Variants in KMT5B observed in about 807,000 individuals in gnomAD.
KMT5B encodes the protein histone-lysine N-methyltransferase KMT5B.
Under a neutral mutation model 83.2 loss-of-function variants are expected in KMT5B, and 10 were observed. That is an observed-to-expected ratio of 0.12 (90% CI 0.07 to 0.20). The LOEUF is 0.20. KMT5B is among the 10% of genes least tolerant of loss of function. The pLI, the probability that KMT5B is intolerant of heterozygous loss-of-function variation, is 1.00. For missense variants in KMT5B, 753 were observed against 1,067.2 expected, an observed-to-expected ratio of 0.71 and a Z score of 4.10; for synonymous variants, 349 against 388.8, an observed-to-expected ratio of 0.90 and a Z score of 1.20.
intron 1 of KMT5B, among the ~76,000 whole-genome samples, chr11:68,194,178 T>C (rs1027487421): frequency 1.3e-4 from 20 of 149,652 alleles, no homozygotes; most frequent in Admixed American, 2.7e-4. Flanking sequence ...CGGGAGAGCA[T>C]CAAGTACCAA....
rs141544127 is a variant in KMT5B at position 68,160,538 on chromosome 11, CAAGT to C, written c.1175-1371_1175-1368del. On this transcript the variant is annotated intron_variant, in intron 10 of 10. Transcript: ENST00000304363. ...GGGTAAGCTCAGCACACTGCCCAACCAAGTGAGGACCAGGATCCTGCAGAGAAAT... is the reference window on the plus strand; with the variant it reads ...GGGTAAGCTCAGCACACTGCCCAACCGAGGACCAGGATCCTGCAGAGAAAT... Among the ~76,000 whole-genome samples the C allele has an allele frequency of 9.6e-3, 1,463 of 152,250 alleles. 18 individuals are homozygous for C. Among genetic ancestry groups the C allele is most frequent in the African/African-American group, 0.033 (1,387 of 41,534 alleles).
chr11:68,166,511 GA>G, intron 10 of KMT5B: 1 of 1,002,756 alleles, frequency 1.0e-6, no homozygotes, highest in Non-Finnish European at 1.2e-6. Flanking sequence ...AGTTCGTTTT[GA>G]AAAAGGTCAG....
intron 1 of KMT5B, among the ~76,000 whole-genome samples, chr11:68,205,314 C>A (rs1859958649): frequency 6.6e-6 from 1 of 151,838 alleles, no homozygotes; most frequent in Non-Finnish European, 1.5e-5. Flanking sequence ...TGAGACCTCA[C>A]CTTTAAAAAC....
At chr11:68,177,631 C>T (rs998173262) in intron 4 of KMT5B, among the ~76,000 whole-genome samples, 9 of 152,000 alleles carry the variant, frequency 5.9e-5, no homozygotes, top group Admixed American at 5.9e-4. Flanking sequence ...CAACTATTAG[C>T]TGAACCATCT....
chr11:68,206,501 C>A (rs536326837), intron 1 of KMT5B, among the ~76,000 whole-genome samples: 22 of 152,282 alleles, frequency 1.4e-4, no homozygotes, highest in African/African-American at 4.6e-4. Flanking sequence ...AGAGGCAGCC[C>A]GCACAGGGAT....
chr11:68,196,135 T>G (rs1858678346), intron 1 of KMT5B, among the ~76,000 whole-genome samples: 1 of 152,112 alleles, frequency 6.6e-6, no homozygotes, highest in Non-Finnish European at 1.5e-5. Context: ...CCAGCCTGAG[T>G]GACAGAGCAA....
intron 10 of KMT5B, chr11:68,166,032 G>A (rs1243496509): frequency 8.1e-6 from 13 of 1,598,566 alleles, no homozygotes; most frequent in South Asian, 3.4e-5. Context: ...TATCTCAGAG[G>A]GCTCTAAGGT....
intron 1 of KMT5B, among the ~76,000 whole-genome samples, chr11:68,197,399 C>T (rs927522110): frequency 2.0e-4 from 30 of 152,074 alleles, no homozygotes; most frequent in African/African-American, 6.5e-4. Flanking sequence ...TAAGAGCAAT[C>T]GCTCTAATTT....
Position 68,198,695 on chromosome 11 carries a change from C to T in KMT5B, c.-76-8543G>A, listed in dbSNP as rs75565539. 6.0e-3 allele frequency among the ~76,000 whole-genome samples: 915 copies of T among 152,296 alleles called. 9 individuals are homozygous for T. Among genetic ancestry groups the T allele is most frequent in the African/African-American group, 0.021 (876 of 41,568 alleles). ...AGTAAAAATTGCCTCAATTTTGTCC[C>T]AAATTGTTAGGAAAAACATTTCAAG... On this transcript the variant is annotated intron_variant, in intron 1 of 10. Coordinates refer to ENST00000304363, the MANE Select transcript of KMT5B (RefSeq NM_017635.5).
In KMT5B at chr11:68,158,426, G is replaced by A. The variant is rs138680984; in HGVS notation, c.1920C>T (p.Asp640=). The A allele has an allele frequency of 1.0e-4, 163 of 1,613,940 alleles. No homozygotes were observed. Among genetic ancestry groups the A allele is most frequent in the Non-Finnish European group, 3.1e-5 (36 of 1,179,996 alleles). Residue 640 remains aspartate, a synonymous_variant, in exon 11 of 11, where the codon GAC becomes GAT. Transcript: ENST00000304363. ...GGGGACCCATCAAATCTGGTACCGC[G>A]TCGTCTTTTCCAGGAGAATCGTGCA... The part of the protein sequence containing the change: ...TPVHDSPGKD[D]AVPDLMGPHS...
At chr11:68,206,797 A>G (rs866047731) in intron 1 of KMT5B, among the ~76,000 whole-genome samples, 12 of 152,140 alleles carry the variant, frequency 7.9e-5, no homozygotes, top group African/African-American at 2.7e-4. Flanking sequence ...TAACTCACAC[A>G]TGAAAAAAAA....
At chr11:68,189,829 A>C in intron 2 of KMT5B, 88 bp downstream of exon 2, 1 of 1,323,074 alleles carries the variant, frequency 7.6e-7, no homozygotes, top group East Asian at 2.5e-5. Flanking sequence ...TATTTAAGAC[A>C]AAAGAAAACA....
chr11:68,162,178 T>C (rs1356909212), intron 10 of KMT5B, among the ~76,000 whole-genome samples: 1 of 152,090 alleles, frequency 6.6e-6, no homozygotes, highest in Admixed American at 6.5e-5. Context: ...ACTATGGCAG[T>C]TTTGTTTTTC....
At chr11:68,208,271 AC>A (rs1345327057) in intron 1 of KMT5B, among the ~76,000 whole-genome samples, 3 of 150,952 alleles carry the variant, frequency 2.0e-5, no homozygotes, top group African/African-American at 4.9e-5. Flanking sequence ...ACATGGTGAA[AC>A]CCCGTCTCTA....
At chr11:68,178,815 T>C (rs1174315725) in intron 4 of KMT5B, among the ~76,000 whole-genome samples, 1 of 152,222 alleles carries the variant, frequency 6.6e-6, no homozygotes, top group Non-Finnish European at 1.5e-5. Flanking sequence ...AATTTTTTTT[T>C]TTCCTATTAT....
At chr11:68,169,649 C>T (rs1256791785) in intron 9 of KMT5B, among the ~76,000 whole-genome samples, 2 of 152,150 alleles carry the variant, frequency 1.3e-5, no homozygotes, top group Non-Finnish European at 2.9e-5. Context: ...GAAATTAAGG[C>T]ACAAAGCAGC....
At chr11:68,202,893 A>G (rs1232299575) in intron 1 of KMT5B, among the ~76,000 whole-genome samples, 1 of 152,010 alleles carries the variant, frequency 6.6e-6, no homozygotes, top group African/African-American at 2.4e-5. Flanking sequence ...ACGTGGGTGT[A>G]CAAAATACCT....
intron 1 of KMT5B, among the ~76,000 whole-genome samples, chr11:68,200,785 T>C (rs1859344689): frequency 6.6e-6 from 1 of 152,258 alleles, no homozygotes; most frequent in Non-Finnish European, 1.5e-5. Context: ...AGGACTACTG[T>C]GCAAGGCTTT....
At chr11:68,205,734 C>CCT (rs999763174) in intron 1 of KMT5B, among the ~76,000 whole-genome samples, 3 of 151,864 alleles carry the variant, frequency 2.0e-5, no homozygotes, top group Non-Finnish European at 2.9e-5. Flanking sequence ...CATTCTCCTG[C>CCT]CTCAGCCTCC....
Sources: allele counts gnomAD v4.1 joint callset (sites outside exome capture counted in the v4.1 genomes callset), GRCh38; gene constraint gnomAD v4.1.1; transcripts MANE v1.5; gene names NCBI Gene and HGNC (gene_info 2026-07-23, HGNC 2026-07-21).